KIF3A: variants seen among roughly 807,000 people sequenced by gnomAD.
The protein encoded by KIF3A is kinesin family member 3A, also known as kinesin-like protein KIF3A.
A neutral mutation model predicts 92.6 loss-of-function variants in KIF3A; 27 were observed. The ratio of observed to expected loss-of-function variants is 0.29; its 90% CI spans 0.21 to 0.40. KIF3A has a LOEUF of 0.40. Ranked by LOEUF, KIF3A falls within the 10% of genes least tolerant of loss-of-function variation. KIF3A has a pLI of 1.00. For missense variants in KIF3A, 581 were observed against 872.6 expected, an observed-to-expected ratio of 0.67 and a Z score of 4.21; for synonymous variants, 250 against 275.4, an observed-to-expected ratio of 0.91 and a Z score of 0.92.
chr5:132,731,713 ATT>A (rs57057488), intron 2 of KIF3A, among the ~76,000 whole-genome samples: 51 of 143,050 alleles, frequency 3.6e-4, no homozygotes, highest in African/African-American at 9.9e-4. Flanking sequence ...TGCAAACAAC[ATT>A]TTTTTTTTTT....
At chr5:132,700,321 T>C (rs1325178870) in intron 16 of KIF3A, 37 bp from the exon 17 acceptor site, 4 of 1,216,414 alleles carry the variant, frequency 3.3e-6, no homozygotes, top group Non-Finnish European at 4.8e-6. Flanking sequence ...AGAAATGTCT[T>C]AATTAGTAAT....
At chr5:132,727,187 C>G (rs1040485177) in intron 2 of KIF3A, among the ~76,000 whole-genome samples, 10 of 152,226 alleles carry the variant, frequency 6.6e-5, no homozygotes, top group Non-Finnish European at 1.3e-4. Context: ...AAAATCTCAA[C>G]TTTCTAAATA....
chr5:132,732,960 T>C (rs1754283325), intron 2 of KIF3A, among the ~76,000 whole-genome samples: 1 of 149,736 alleles, frequency 6.7e-6, no homozygotes, highest in Non-Finnish European at 1.5e-5. Flanking sequence ...TATGTTACAA[T>C]AGGGATGAAG....
chr5:132,727,683 T>C (rs966408075), intron 2 of KIF3A, among the ~76,000 whole-genome samples: 17 of 152,090 alleles, frequency 1.1e-4, no homozygotes, highest in Admixed American at 6.5e-4. Flanking sequence ...CATGAAGCCA[T>C]AGAATGATTT....
At position 132,711,709 on chromosome 5, in the gene KIF3A, A is replaced by AT. The variant is rs542628807; in HGVS notation, c.1130-653dup. 3.7e-3 allele frequency among the ~76,000 whole-genome samples: 556 copies of AT among 152,276 alleles called. 2 individuals carry two copies. Among genetic ancestry groups the AT allele is most frequent in the African/African-American group, 0.013 (525 of 41,576 alleles). The stretch of plus-strand genomic sequence containing the variant: ...AAAATGTGATCACTTTTGAGGAACA[A>AT]TTTCTTCTAAAACAGCTTCCTGTTT... On this transcript the variant is annotated intron_variant, in intron 8 of 18. Transcript: ENST00000403231.
rs1334447232 is a variant in KIF3A at position 132,696,681 on chromosome 5, T to C, written c.2134A>G (p.Lys712Glu). The change falls in exon 19 of 19, where the codon AAG becomes GAG. Residue 712 changes from lysine (K) to glutamate (E), a missense_variant and splice_region_variant. Lys to Glu is a moderately conservative substitution (Grantham distance 56, BLOSUM62 1). This residue lies in a region of KIF3A where 112 missense variants were observed against 144.3 expected (regional missense o/e 0.78). Transcript: ENST00000403231. ...ACAGTTTCAGGCTTTGCAGAACGCT[T>C]TCTGTTTGGAGAAGAAAAAAAGCAA... ...GKARPKTGRR[K>E]RSAKPETVID... 1.2e-6 allele frequency: 2 copies of C among 1,608,876 alleles called. No homozygotes were observed. Among genetic ancestry groups the C allele is most frequent in the Non-Finnish European group, 1.7e-6 (2 of 1,175,482 alleles).
chr5:132,692,638 A>C lies in KIF3A; in HGVS notation c.*3996T>G, dbSNP rs1049633793. ...AGACCACTACTACAGGCATTAGGTAAAAGATTTTTATTCTTATTTAACCAT... is the reference window on the plus strand; with the variant it reads ...AGACCACTACTACAGGCATTAGGTACAAGATTTTTATTCTTATTTAACCAT... On this transcript the variant is annotated 3_prime_UTR_variant, in exon 19 of 19. Coordinates refer to ENST00000403231, the MANE Select transcript of KIF3A (RefSeq NM_001300791.2). 5 of 152,558 alleles carry C rather than the reference A, an allele frequency of 3.3e-5. No individual in the cohort carries two copies. Among genetic ancestry groups the C allele is most frequent in the African/African-American group, 1.2e-4 (5 of 41,466 alleles). The allele number at this position is 152,558 out of a possible 1,614,324, so 9.5% of individuals were successfully genotyped here. A position where few individuals can be genotyped will look rare whatever the true frequency, so the allele number is the denominator to read the frequency against.
At chr5:132,706,567 A>G in intron 10 of KIF3A, 108 bp from the exon 11 acceptor site, 1 of 790,204 alleles carries the variant, frequency 1.3e-6, no homozygotes, top group African/African-American at 1.8e-5. Context: ...AGAAAAATAT[A>G]TAATAGCATT....
intron 2 of KIF3A, among the ~76,000 whole-genome samples, chr5:132,729,391 G>T (rs1478546044): frequency 1.3e-5 from 2 of 152,154 alleles, no homozygotes; most frequent in African/African-American, 4.8e-5. Context: ...GGCTGAGGCT[G>T]CAATGAGCCG....
At chr5:132,730,914 T>G (rs947103394) in intron 2 of KIF3A, among the ~76,000 whole-genome samples, 14 of 152,132 alleles carry the variant, frequency 9.2e-5, no homozygotes, top group Non-Finnish European at 1.5e-4. Context: ...GAGGCTGCAG[T>G]GAGCTGTGAT....
At chr5:132,711,849 A>T (rs542322412) in intron 8 of KIF3A, among the ~76,000 whole-genome samples, 2 of 152,190 alleles carry the variant, frequency 1.3e-5, no homozygotes, top group Admixed American at 1.3e-4. Flanking sequence ...AGAAGTGCTT[A>T]TTTGTACAAA....
chr5:132,734,275 C>T lies in KIF3A; in HGVS notation c.210G>A (p.Glu70=). 6.2e-7 allele frequency: 1 copy of T among 1,613,952 alleles called. No individual in the cohort carries two copies. The highest frequency in any genetic ancestry group is 8.5e-7 in the Non-Finnish European group (1 of 1,179,856). Residue 70 remains glutamate (E), a synonymous_variant, in exon 2 of 19, where the codon GAG becomes GAA. Transcript: ENST00000403231. ...AGTTATAAACATCAAGTTGTTTACT[C>T]TCTGGTCCAAAAACAGTATCAAAAG... ...TFTFDTVFGP[E]SKQLDVYNLT...
chr5:132,718,379 G>A (rs1172102216), intron 5 of KIF3A, among the ~76,000 whole-genome samples: 1 of 151,952 alleles, frequency 6.6e-6, no homozygotes, highest in Non-Finnish European at 1.5e-5. Context: ...GCACAATCTC[G>A]GCTCACTGCA....
chr5:132,718,815 G>A (rs989825864), intron 5 of KIF3A, among the ~76,000 whole-genome samples: 6 of 152,032 alleles, frequency 3.9e-5, no homozygotes, highest in Non-Finnish European at 8.8e-5. Flanking sequence ...TTTTAGTTGA[G>A]ATGGGGTTTC....
At chr5:132,718,833 T>C (rs1464312847) in intron 5 of KIF3A, among the ~76,000 whole-genome samples, 1 of 152,142 alleles carries the variant, frequency 6.6e-6, no homozygotes, top group Non-Finnish European at 1.5e-5. Flanking sequence ...TTCGCCATGT[T>C]GCACAGGCTG....
chr5:132,705,705 T>C (rs897673726), intron 11 of KIF3A, among the ~76,000 whole-genome samples: 1 of 152,024 alleles, frequency 6.6e-6, no homozygotes, highest in African/African-American at 2.4e-5. Flanking sequence ...AAAAGCCTAA[T>C]ATTTAAGTAA....
In KIF3A at chr5:132,694,105, A is replaced by T. The variant is rs1253365192; in HGVS notation, c.*2529T>A. 1.3e-5 allele frequency: 2 copies of T among 151,856 alleles called. No homozygotes were observed. Among genetic ancestry groups the T allele is most frequent in the African/African-American group, 4.8e-5 (2 of 41,308 alleles). 9.4% of individuals were successfully genotyped at this position (151,856 alleles called of 1,614,324 possible). A position where few individuals can be genotyped will look rare whatever the true frequency, so the allele number is the denominator to read the frequency against. On this transcript the variant is annotated 3_prime_UTR_variant, in exon 19 of 19. Transcript: ENST00000403231. Reference sequence around the variant, plus strand: ...AATGCTTTTTTTAAAAAACTGCTATAGTAGGCGGGGTGTGGTGGCTCAGGC... The same window carrying T: ...AATGCTTTTTTTAAAAAACTGCTATTGTAGGCGGGGTGTGGTGGCTCAGGC...
At chr5:132,711,409 TG>T (rs1753418215) in intron 8 of KIF3A, among the ~76,000 whole-genome samples, 1 of 152,128 alleles carries the variant, frequency 6.6e-6, no homozygotes, top group African/African-American at 2.4e-5. Context: ...CTGGCCAACA[TG>T]GCAAAACCCC....
At chr5:132,697,364 T>TA (rs571092323) in intron 18 of KIF3A, among the ~76,000 whole-genome samples, 3 of 151,398 alleles carry the variant, frequency 2.0e-5, no homozygotes, top group Non-Finnish European at 2.9e-5. Context: ...AATGTTAAAC[T>TA]AAAAAAATGA....
Sources: gnomAD v4.1 joint callset for allele counts (sites outside exome capture counted in the v4.1 genomes callset) on GRCh38, gnomAD v4.1.1 for gene constraint, gnomAD v4.1.1 regional missense constraint, MANE v1.5 for transcripts, NCBI Gene and HGNC (gene_info 2026-07-23, HGNC 2026-07-21) for gene names.